The following LPP variants were observed in gnomAD, a reference collection of about 807,000 sequenced individuals.
The protein encoded by LPP is LIM domain containing preferred translocation partner in lipoma, also known as lipoma-preferred partner.
In LPP, 38 loss-of-function variants were observed where a neutral mutation model predicts 60.4. That is an observed-to-expected ratio of 0.63 (90% CI 0.49 to 0.83). The LOEUF is 0.83. LPP is among the 40% of genes least tolerant of loss of function. LPP has a pLI of 0.00. For synonymous variants in LPP, 328 were observed against 290.8 expected, an observed-to-expected ratio of 1.13 and a Z score of -1.30; for missense variants, 902 against 783.6, an observed-to-expected ratio of 1.15 and a Z score of -1.80.
chr3:188,582,533 C>T (rs1836494321), intron 6 of LPP, among the ~76,000 whole-genome samples: 1 of 151,970 alleles, frequency 6.6e-6, no homozygotes, highest in East Asian at 1.9e-4. Flanking sequence ...TTTCCTAGGG[C>T]CTGCTCTTGT....
At chr3:188,221,024 A>G (rs1243728796) in intron 1 of LPP, among the ~76,000 whole-genome samples, 1 of 152,160 alleles carries the variant, frequency 6.6e-6, no homozygotes, top group Non-Finnish European at 1.5e-5. Context: ...CGCAACACCT[A>G]TGGCTTAAGA....
chr3:188,422,177 C>T (rs575814366), intron 4 of LPP, among the ~76,000 whole-genome samples: 1 of 152,238 alleles, frequency 6.6e-6, no homozygotes, highest in Non-Finnish European at 1.5e-5. Context: ...TGGATCTTTC[C>T]CTTCCCAGGT....
At chr3:188,559,931 C>G (rs560116168) in intron 6 of LPP, among the ~76,000 whole-genome samples, 1 of 152,024 alleles carries the variant, frequency 6.6e-6, no homozygotes, top group South Asian at 2.1e-4. Flanking sequence ...CCTCAGACCC[C>G]TCTGTCTGTG....
chr3:188,641,938 T>C (rs1453894009), intron 7 of LPP, among the ~76,000 whole-genome samples: 1 of 152,158 alleles, frequency 6.6e-6, no homozygotes, highest in Non-Finnish European at 1.5e-5. Flanking sequence ...CCGTGGCTGG[T>C]TACCGGATGG....
At chr3:188,694,989 G>C (rs952144318) in intron 7 of LPP, among the ~76,000 whole-genome samples, 2 of 152,192 alleles carry the variant, frequency 1.3e-5, no homozygotes, top group African/African-American at 4.8e-5. Flanking sequence ...TTGCGGTTAA[G>C]CATCCCTTTC....
At chr3:188,171,726 C>G (rs1391383885) in intron 1 of LPP, among the ~76,000 whole-genome samples, 1 of 152,164 alleles carries the variant, frequency 6.6e-6, no homozygotes, top group Non-Finnish European at 1.5e-5. Context: ...GGTATATTAT[C>G]AATTGGAAAG....
intron 9 of LPP, among the ~76,000 whole-genome samples, chr3:188,811,265 T>C (rs1015759285): frequency 1.3e-5 from 2 of 151,902 alleles, no homozygotes; most frequent in Non-Finnish European, 2.9e-5. Context: ...GAACCTGTTA[T>C]ACAGTGGGCA....
chr3:188,501,922 A>C (rs112231581), intron 5 of LPP, among the ~76,000 whole-genome samples: 1,892 of 152,148 alleles, frequency 0.012, 41 homozygotes, highest in African/African-American at 0.042. Context: ...ATTAAAAAAA[A>C]AAACAAACAA....
chr3:188,701,480 A>T (rs981791397), intron 7 of LPP, among the ~76,000 whole-genome samples: 22 of 152,212 alleles, frequency 1.4e-4, no homozygotes, highest in African/African-American at 5.1e-4. Context: ...ACCTTTGAGC[A>T]TATTGTATTG....
intron 4 of LPP, among the ~76,000 whole-genome samples, chr3:188,446,209 C>T (rs185880884): frequency 6.6e-6 from 1 of 152,262 alleles, no homozygotes; most frequent in East Asian, 1.9e-4. Context: ...CTGGTGTTGT[C>T]CATCATTTTA....
intron 5 of LPP, among the ~76,000 whole-genome samples, chr3:188,507,176 G>A (rs1579453240): frequency 3.3e-5 from 5 of 152,088 alleles, no homozygotes; most frequent in Admixed American, 1.3e-4. Context: ...TTCTTTCTTC[G>A]ACTGTGCAAT....
intron 8 of LPP, among the ~76,000 whole-genome samples, chr3:188,733,614 TG>T (rs1241658348): frequency 6.6e-6 from 1 of 152,220 alleles, no homozygotes; most frequent in African/African-American, 2.4e-5. Context: ...GCAATCTTTT[TG>T]CTTGTTGTTG....
At chr3:188,272,028 C>G (rs945601122) in intron 2 of LPP, among the ~76,000 whole-genome samples, 4 of 152,058 alleles carry the variant, frequency 2.6e-5, no homozygotes, top group Admixed American at 2.0e-4. Flanking sequence ...AACACAGCCA[C>G]CAAGTCCTGG....
chr3:188,320,969 G>A (rs1408065724), intron 2 of LPP, among the ~76,000 whole-genome samples: 3 of 152,128 alleles, frequency 2.0e-5, no homozygotes, highest in Non-Finnish European at 4.4e-5. Flanking sequence ...TCATATTTTC[G>A]GTAGTAATCC....
At chr3:188,344,144 G>T (rs907850878) in intron 3 of LPP, among the ~76,000 whole-genome samples, 2 of 152,140 alleles carry the variant, frequency 1.3e-5, no homozygotes, top group Non-Finnish European at 2.9e-5. Flanking sequence ...TCTTGTAGAC[G>T]GTTGATTATC....
At chr3:188,453,605 C>T (rs149965890) in intron 4 of LPP, among the ~76,000 whole-genome samples, 2 of 152,132 alleles carry the variant, frequency 1.3e-5, no homozygotes, top group African/African-American at 4.8e-5. Flanking sequence ...TCTGAAAACA[C>T]ACCATGCTTT....
intron 1 of LPP, among the ~76,000 whole-genome samples, chr3:188,168,320 A>G (rs1428313052): frequency 1.3e-5 from 2 of 152,230 alleles, no homozygotes; most frequent in African/African-American, 2.4e-5. Context: ...ATTTATTTGA[A>G]CAGTAATGAT....
rs550749100 is a variant in LPP at position 188,541,632 on chromosome 3, T to TA, written c.429+16846dup. Among the ~76,000 whole-genome samples the TA allele has an allele frequency of 1.5e-3, 231 of 151,990 alleles. 1 individual carries two copies. The highest frequency in any genetic ancestry group is 5.4e-3 in the African/African-American group (224 of 41,456). On this transcript the variant is annotated intron_variant, in intron 6 of 11. Coordinates refer to ENST00000617246, the MANE Select transcript of LPP (RefSeq NM_001375462.1). ...TAAATTTATGTTTATTGATATTAAATATGCCTGTAATCCCAGCACTTTGGG... is the reference window on the plus strand; with the variant it reads ...TAAATTTATGTTTATTGATATTAAATAATGCCTGTAATCCCAGCACTTTGGG...
At chr3:188,805,997 T>C (rs573256289) in intron 9 of LPP, among the ~76,000 whole-genome samples, 71 of 152,038 alleles carry the variant, frequency 4.7e-4, no homozygotes, top group African/African-American at 1.6e-3. Flanking sequence ...GTGCTAGAAA[T>C]ATGGTATATC....
Sources: allele counts gnomAD v4.1 joint callset (sites outside exome capture counted in the v4.1 genomes callset), GRCh38; gene constraint gnomAD v4.1.1; transcripts MANE v1.5; gene names NCBI Gene and HGNC (gene_info 2026-07-23, HGNC 2026-07-21).